Variants in RPRD1B observed in about 807,000 individuals in gnomAD.
RPRD1B encodes the protein regulation of nuclear pre-mRNA domain containing 1B.
RPRD1B carries 11 observed loss-of-function variants against 41.5 expected under a neutral mutation model. That is an observed-to-expected ratio of 0.27 (90% CI 0.17 to 0.44). The LOEUF is 0.44. Ranked by LOEUF, RPRD1B falls within the 20% of genes least tolerant of loss-of-function variation. RPRD1B has a pLI of 1.00. For synonymous variants in RPRD1B, 158 were observed against 155.6 expected (o/e 1.02, Z -0.12); for missense variants, 248 against 389.9 (o/e 0.64, Z 3.06).
chr20:38,060,296 T>C (rs1024500307), intron 5 of RPRD1B, among the ~76,000 whole-genome samples: 4 of 152,194 alleles, frequency 2.6e-5, no homozygotes, highest in Non-Finnish European at 5.9e-5. Flanking sequence ...GACCTTTCAT[T>C]CCATTGTCTT....
chr20:38,073,197 C>T (rs779970504), intron 6 of RPRD1B, among the ~76,000 whole-genome samples: 2 of 152,182 alleles, frequency 1.3e-5, no homozygotes, highest in Admixed American at 6.5e-5. Flanking sequence ...AGAGAAATGA[C>T]ATTTTATGTG....
intron 1 of RPRD1B, among the ~76,000 whole-genome samples, chr20:38,035,278 G>T (rs2073988363): frequency 6.6e-6 from 1 of 152,192 alleles, no homozygotes; most frequent in South Asian, 2.1e-4. Flanking sequence ...CATAATGGAA[G>T]ACTGAAGAAA....
chr20:38,078,961 A>C (rs1033012459), intron 6 of RPRD1B, among the ~76,000 whole-genome samples: 10 of 152,218 alleles, frequency 6.6e-5, no homozygotes. Flanking sequence ...CTTGTATCCC[A>C]TTAATAATTC....
At chr20:38,061,798 A>G (rs964835779) in intron 5 of RPRD1B, among the ~76,000 whole-genome samples, 1 of 152,110 alleles carries the variant, frequency 6.6e-6, no homozygotes, top group Non-Finnish European at 1.5e-5. Flanking sequence ...GGCCCAGTAG[A>G]TTATTTCTTC....
At chr20:38,057,402 G>T (rs1275262061) in intron 3 of RPRD1B, 130 bp from the exon 4 acceptor site, 1 of 631,908 alleles carries the variant, frequency 1.6e-6, no homozygotes, top group Non-Finnish European at 2.9e-6. Context: ...TAGCATAAAG[G>T]TTACTATTAA....
At chr20:38,038,551 C>T (rs2074030412) in intron 1 of RPRD1B, among the ~76,000 whole-genome samples, 1 of 129,446 alleles carries the variant, frequency 7.7e-6, no homozygotes, top group Non-Finnish European at 1.5e-5. Context: ...GACTGGAGTG[C>T]AGTGGTGTGA....
chr20:38,064,850 G>A (rs1792569260), intron 5 of RPRD1B, among the ~76,000 whole-genome samples: 1 of 152,120 alleles, frequency 6.6e-6, no homozygotes, highest in Admixed American at 6.5e-5. Flanking sequence ...GACGGGCGTG[G>A]TGGCGGGGGC....
chr20:38,040,644 C>G (rs2074056709), intron 2 of RPRD1B, 80 bp downstream of exon 2: 1 of 1,456,242 alleles, frequency 6.9e-7, no homozygotes, highest in South Asian at 1.4e-5. Flanking sequence ...CTGTGATAGC[C>G]TTTGTAAATT....
At position 38,092,001 on chromosome 20, in the gene RPRD1B, T is replaced by G. The variant is rs551032997; in HGVS notation, c.*2126T>G. Reference sequence around the variant, plus strand: ...TGAAATGCTTTCGTTTTTTAAATCTTAATTCTGCTGTCCACATCCTCCCAA... The same window carrying G: ...TGAAATGCTTTCGTTTTTTAAATCTGAATTCTGCTGTCCACATCCTCCCAA... On this transcript the variant is annotated 3_prime_UTR_variant, in exon 7 of 7. Coordinates refer to ENST00000373433, the MANE Select transcript of RPRD1B (RefSeq NM_021215.4). 1 of 985,748 alleles carries G rather than the reference T, an allele frequency of 1.0e-6. No homozygotes were observed. The allele number at this position is 985,748 out of a possible 1,614,324, so 61.1% of individuals were successfully genotyped here.
intron 6 of RPRD1B, chr20:38,070,744 T>TG: frequency 1.0e-6 from 1 of 981,228 alleles, no homozygotes; most frequent in Middle Eastern, 5.2e-4. Flanking sequence ...TGTGATTTTT[T>TG]TTTTTTTTTT....
intron 1 of RPRD1B, among the ~76,000 whole-genome samples, chr20:38,040,097 C>T (rs945126771): frequency 6.6e-6 from 1 of 152,138 alleles, no homozygotes; most frequent in East Asian, 1.9e-4. Flanking sequence ...CTCATTTTTG[C>T]AGTAGAATAA....
intron 6 of RPRD1B, among the ~76,000 whole-genome samples, chr20:38,068,763 G>T (rs1289156539): frequency 6.6e-6 from 1 of 152,166 alleles, no homozygotes; most frequent in Admixed American, 6.5e-5. Flanking sequence ...TTCTGTAATA[G>T]ACTGGTCCTG....
At chr20:38,068,203 T>G (rs1483987516) in intron 6 of RPRD1B, among the ~76,000 whole-genome samples, 1 of 152,182 alleles carries the variant, frequency 6.6e-6, no homozygotes, top group Non-Finnish European at 1.5e-5. Context: ...CGCGGTTCAT[T>G]CAGTGGAATG....
chr20:38,088,281 C>T lies in RPRD1B; in HGVS notation c.832-1445C>T, dbSNP rs149846268. 8.4e-3 allele frequency among the ~76,000 whole-genome samples: 1,273 copies of T among 152,356 alleles called. 10 individuals are homozygous for T. Among genetic ancestry groups the T allele is most frequent in the African/African-American group, 0.025 (1,043 of 41,580 alleles). ...CCTCATTATTCTTCCCAGACATTCT[C>T]TAGCTTCTACTTTCTGCCTCTTCAG... is the stretch of plus-strand genomic sequence containing the variant. On this transcript the variant is annotated intron_variant, in intron 6 of 6. Transcript: ENST00000373433.
Position 38,070,590 on chromosome 20 carries a change from T to G in RPRD1B, c.831+4334T>G, listed in dbSNP as rs1318621791. 3.0e-6 allele frequency: 3 copies of G among 985,330 alleles called. No homozygotes were observed. In the Admixed American group the frequency reaches 1.8e-4, roughly 61 times the overall value. The allele number at this position is 985,330 out of a possible 1,614,324, so 61.0% of individuals were successfully genotyped here. ...TGGGTTGGATAGGGTTCCTGTCTTG[T>G]CAGCGTGAATAAAGCATGATACAGA... On this transcript the variant is annotated intron_variant, in intron 6 of 6. Coordinates refer to ENST00000373433, the MANE Select transcript of RPRD1B (RefSeq NM_021215.4).
intron 5 of RPRD1B, among the ~76,000 whole-genome samples, chr20:38,065,146 C>A (rs1392679465): frequency 6.6e-6 from 1 of 152,170 alleles, no homozygotes; most frequent in Non-Finnish European, 1.5e-5. Flanking sequence ...TCAGACTTTA[C>A]ATTTTGTCAA....
In RPRD1B at chr20:38,066,076, CTTAG is replaced by C; in HGVS notation, c.656-4_656-1del. On this transcript the variant is annotated splice_acceptor_variant and splice_polypyrimidine_tract_variant and intron_variant, in intron 5 of 6. Transcript: ENST00000373433. LOFTEE classifies it high-confidence loss of function. ...TCTCTATTTTTTGGTCTCATTTGTA[CTTAG>C]ACAAAGAGGCAGCTGAACGTCTTTC... 1 of 1,613,850 alleles carries C rather than the reference CTTAG, an allele frequency of 6.2e-7. No homozygotes were observed. Among genetic ancestry groups the C allele is most frequent in the Non-Finnish European group, 8.5e-7 (1 of 1,179,814 alleles).
chr20:38,039,975 C>T (rs1341892339), intron 1 of RPRD1B, among the ~76,000 whole-genome samples: 1 of 152,130 alleles, frequency 6.6e-6, no homozygotes, highest in African/African-American at 2.4e-5. Flanking sequence ...CTCAAATGAT[C>T]CACCCACCTC....
intron 2 of RPRD1B, among the ~76,000 whole-genome samples, chr20:38,040,964 C>T (rs2074060360): frequency 6.6e-6 from 1 of 151,982 alleles, no homozygotes; most frequent in African/African-American, 2.4e-5. Context: ...TTTTTATTTC[C>T]TTCTGGATTT....
Sources: allele counts gnomAD v4.1 joint callset (sites outside exome capture counted in the v4.1 genomes callset), GRCh38; gene constraint gnomAD v4.1.1; transcripts MANE v1.5; gene names NCBI Gene and HGNC (gene_info 2026-07-23, HGNC 2026-07-21).